Variants in CLNK observed in about 807,000 individuals in gnomAD.
CLNK encodes the protein cytokine dependent hematopoietic cell linker.
A neutral mutation model predicts 68.6 loss-of-function variants in CLNK; 74 were observed. The observed-to-expected ratio is 1.08, with a 90% CI of 0.89 to 1.31. The LOEUF is 1.31. CLNK is among the 50% of genes most tolerant of loss of function. CLNK has a pLI of 0.00. For synonymous variants in CLNK, 198 were observed against 172.2 expected (o/e 1.15, Z -1.17); for missense variants, 553 against 515.3 (o/e 1.07, Z -0.71).
intron 7 of CLNK, among the ~76,000 whole-genome samples, chr4:10,563,252 AAAAGAATAGTG>A (rs1399666275): frequency 6.6e-6 from 1 of 152,248 alleles, no homozygotes; most frequent in Non-Finnish European, 1.5e-5. Context: ...TGCAAACTAA[AAAAGAATAGTG>A]AAATCCCTTT....
rs73809607 is a variant in CLNK, at chr4:10,504,884, G to A, written c.984+3075C>T. On this transcript the variant is annotated intron_variant, in intron 17 of 18. Transcript: ENST00000226951. Reference sequence around the variant, plus strand: ...GAAAATATGAAAAGGAAAATGTGAAGTCATTTAACTGAGATTTTATTTTCT... The same window carrying A: ...GAAAATATGAAAAGGAAAATGTGAAATCATTTAACTGAGATTTTATTTTCT... Among the ~76,000 whole-genome samples, 966 of 152,306 alleles carry A rather than the reference G, an allele frequency of 6.3e-3. 5 individuals are homozygous for A. Among genetic ancestry groups the A allele is most frequent in the African/African-American group, 0.023 (936 of 41,570 alleles).
At chr4:10,614,171 C>A (rs1212760928) in intron 2 of CLNK, among the ~76,000 whole-genome samples, 2 of 152,214 alleles carry the variant, frequency 1.3e-5, no homozygotes, top group Non-Finnish European at 2.9e-5. Flanking sequence ...CCTCCCCTGG[C>A]AGATGTCTGG....
intron 3 of CLNK, among the ~76,000 whole-genome samples, chr4:10,590,555 A>G (rs779281580): frequency 1.3e-5 from 2 of 152,164 alleles, no homozygotes; most frequent in African/African-American, 2.4e-5. Flanking sequence ...CTGGGAAAAG[A>G]TCAGGGTGAT....
At chr4:10,542,803 CA>C (rs1441055307) in intron 8 of CLNK, among the ~76,000 whole-genome samples, 1 of 151,158 alleles carries the variant, frequency 6.6e-6, no homozygotes, top group East Asian at 1.9e-4. Context: ...CCCCAGAATC[CA>C]ACTTCTTTAT....
intron 7 of CLNK, among the ~76,000 whole-genome samples, chr4:10,560,779 A>G (rs949019651): frequency 6.6e-6 from 1 of 152,198 alleles, no homozygotes. Flanking sequence ...ATCTCAACAT[A>G]AATGTGCAGA....
At chr4:10,497,985 C>T (rs983888391) in intron 18 of CLNK, among the ~76,000 whole-genome samples, 18 of 151,940 alleles carry the variant, frequency 1.2e-4, no homozygotes, top group Non-Finnish European at 2.4e-4. Context: ...CACCTGAGGT[C>T]GGGAGTTCCA....
At chr4:10,699,512 A>ATATATATT in the CLNK span, among the ~76,000 whole-genome samples, 1 of 32,762 alleles carries the variant, frequency 3.1e-5, no homozygotes, top group African/African-American at 1.2e-4. Context: ...ATATATATAT[A>ATATATATT]TTTTTTTTTT....
chr4:10,639,859 G>T (rs944549932), intron 2 of CLNK, among the ~76,000 whole-genome samples: 1 of 152,182 alleles, frequency 6.6e-6, no homozygotes, highest in Non-Finnish European at 1.5e-5. Context: ...AGAAATTACT[G>T]CATTGGTGAA....
chr4:10,553,365 G>A (rs1159277015), intron 8 of CLNK, among the ~76,000 whole-genome samples: 1 of 152,012 alleles, frequency 6.6e-6, no homozygotes, highest in Admixed American at 6.6e-5. Context: ...TTAAAAACTT[G>A]GTCAGTAAAA....
intron 4 of CLNK, among the ~76,000 whole-genome samples, chr4:10,577,472 G>A (rs181954968): frequency 3.9e-5 from 6 of 152,276 alleles, no homozygotes; most frequent in Non-Finnish European, 8.8e-5. Context: ...GCACATGGTC[G>A]GAGCTACATG....
rs567923025 is a variant in CLNK, at chr4:10,674,595, T to C, written c.-42-6684A>G. Among the ~76,000 whole-genome samples the C allele has an allele frequency of 3.3e-5, 5 of 152,298 alleles. No individual in the cohort carries two copies. In the East Asian group the frequency reaches 9.6e-4, roughly 29 times the overall value. On this transcript the variant is annotated intron_variant, in intron 1 of 18. Coordinates refer to ENST00000226951, the MANE Select transcript of CLNK (RefSeq NM_052964.4). Reference sequence around the variant, plus strand: ...TGAGAAATAGTGTGTGTTGTCTCCCTACGGGGCTCACTGTACTCTCCTCCA... The same window carrying C: ...TGAGAAATAGTGTGTGTTGTCTCCCCACGGGGCTCACTGTACTCTCCTCCA...
At chr4:10,572,577 T>C (rs967953832) in intron 4 of CLNK, among the ~76,000 whole-genome samples, 8 of 152,358 alleles carry the variant, frequency 5.3e-5, no homozygotes, top group African/African-American at 1.9e-4. Flanking sequence ...TTTTAAAAAT[T>C]TCCTTTTTTA....
At chr4:10,623,105 T>A (rs1005349834) in intron 2 of CLNK, among the ~76,000 whole-genome samples, 1 of 152,194 alleles carries the variant, frequency 6.6e-6, no homozygotes, top group Non-Finnish European at 1.5e-5. Flanking sequence ...TATACCTTAA[T>A]AAAGATTTTA....
At chr4:10,571,464 A>G (rs1720348089) in intron 5 of CLNK, among the ~76,000 whole-genome samples, 1 of 150,624 alleles carries the variant, frequency 6.6e-6, no homozygotes, top group Non-Finnish European at 1.5e-5. Context: ...CCTCGTGAGT[A>G]GCTGGGATTA....
intron 17 of CLNK, among the ~76,000 whole-genome samples, chr4:10,505,962 G>A (rs959331999): frequency 1.3e-5 from 2 of 152,144 alleles, no homozygotes; most frequent in African/African-American, 4.8e-5. Context: ...AAAATTTATT[G>A]TAGATCTATC....
intron 3 of CLNK, among the ~76,000 whole-genome samples, chr4:10,587,504 C>T (rs568737363): frequency 1.6e-4 from 25 of 152,274 alleles, no homozygotes; most frequent in African/African-American, 4.6e-4. Flanking sequence ...AATTGAACAT[C>T]GCAACACACG....
At chr4:10,645,805 G>A (rs914522995) in intron 2 of CLNK, among the ~76,000 whole-genome samples, 79 of 152,048 alleles carry the variant, frequency 5.2e-4, no homozygotes, top group African/African-American at 1.7e-3. Flanking sequence ...ATAATTTATT[G>A]TATATTTCAA....
At chr4:10,637,492 C>T (rs1231962155) in intron 2 of CLNK, among the ~76,000 whole-genome samples, 3 of 128,246 alleles carry the variant, frequency 2.3e-5, no homozygotes, top group African/African-American at 8.9e-5. Context: ...TTAATACATA[C>T]TTCAGATGTT....
intron 2 of CLNK, among the ~76,000 whole-genome samples, chr4:10,643,934 A>G (rs1723413107): frequency 1.3e-5 from 2 of 152,232 alleles, no homozygotes; most frequent in South Asian, 4.1e-4. Context: ...GAGCTTGCCT[A>G]TGCATGCAGG....
Sources: gnomAD v4.1 joint callset for allele counts (sites outside exome capture counted in the v4.1 genomes callset) on GRCh38, gnomAD v4.1.1 for gene constraint, MANE v1.5 for transcripts, NCBI Gene and HGNC (gene_info 2026-07-23, HGNC 2026-07-21) for gene names.